The following SEC23IP variants were observed in gnomAD, a reference collection of about 807,000 sequenced individuals.
The protein encoded by SEC23IP is SEC23-interacting protein.
In SEC23IP, 70 loss-of-function variants were observed where a neutral mutation model predicts 113.4. The observed-to-expected ratio is 0.62, with a 90% CI of 0.51 to 0.75. The LOEUF is 0.75. SEC23IP is among the 30% of genes least tolerant of loss of function. The pLI is 0.00. For missense variants in SEC23IP, 1,160 were observed against 1,204.9 expected (o/e 0.96, Z 0.55); for synonymous variants, 398 against 421.0 (o/e 0.95, Z 0.67).
chr10:119,899,061 T>G (rs1405101542), intron 2 of SEC23IP, 102 bp downstream of exon 2: 1 of 1,047,342 alleles, frequency 9.5e-7, no homozygotes, highest in African/African-American at 1.6e-5. Flanking sequence ...ATCAATATGG[T>G]GACAAATTAG....
chr10:119,910,392 G>A (rs1466184170), intron 5 of SEC23IP, among the ~76,000 whole-genome samples: 2 of 152,024 alleles, frequency 1.3e-5, no homozygotes, highest in East Asian at 3.8e-4. Context: ...TGATCTCCCA[G>A]GGTCATATTT....
At chr10:119,930,537 A>G in intron 15 of SEC23IP, 106 bp downstream of exon 15, 1 of 609,986 alleles carries the variant, frequency 1.6e-6, no homozygotes. Context: ...AATATTATTT[A>G]AGTGCCTACT....
Position 119,898,564 on chromosome 10 carries a change from T to C in SEC23IP, c.301T>C (p.Leu101=). 5.6e-6 allele frequency: 9 copies of C among 1,614,218 alleles called. No homozygotes were observed. The highest frequency in any genetic ancestry group is 7.6e-6 in the Non-Finnish European group (9 of 1,180,044). The change falls in exon 2 of 19, where the codon TTA becomes CTA. Residue 101 remains leucine, a synonymous_variant. Coordinates refer to ENST00000369075, the MANE Select transcript of SEC23IP (RefSeq NM_007190.4). Reference sequence around the variant, plus strand: ...TTTTGGGAATATTGGACAGTCACCATTAACAACTGCAGCAACCTCAGTTGG... The same window carrying C: ...TTTTGGGAATATTGGACAGTCACCACTAACAACTGCAGCAACCTCAGTTGG... The part of the protein sequence containing the change: ...DPFGNIGQSP[L]TTAATSVGQS...
At chr10:119,925,900 A>T in intron 12 of SEC23IP, 136 bp from the exon 13 acceptor site, 1 of 748,194 alleles carries the variant, frequency 1.3e-6, no homozygotes, top group Non-Finnish European at 2.1e-6. Context: ...GGCATTTTTT[A>T]AAGTAATCAC....
At position 119,898,825 on chromosome 10, in the gene SEC23IP, G is replaced by A. The variant is rs1854378529; in HGVS notation, c.562G>A (p.Gly188Ser). The A allele has an allele frequency of 6.2e-7, 1 of 1,613,660 alleles. No homozygotes were observed. Among genetic ancestry groups the A allele is most frequent in the Admixed American group, 1.7e-5 (1 of 59,976 alleles). The change falls in exon 2 of 19, where the codon GGC becomes AGC. Residue 188 changes from glycine (G) to serine (S), a missense_variant. Coordinates refer to ENST00000369075, the MANE Select transcript of SEC23IP (RefSeq NM_007190.4). ...PGYNPYRHTP[G>S]SSRANPYIAP... ...ATACAATCCATATCGCCATACCCCT[G>A]GCAGCAGCAGGGCTAATCCTTACAT...
Position 119,898,474 on chromosome 10 carries a change from T to C in SEC23IP, c.211T>C (p.Ser71Pro). 6.2e-7 allele frequency: 1 copy of C among 1,614,024 alleles called. No homozygotes were observed. Among genetic ancestry groups the C allele is most frequent in the Non-Finnish European group, 8.5e-7 (1 of 1,179,998 alleles). Residue 71 changes from serine (S) to proline (P), a missense_variant, in exon 2 of 19, where the codon TCT becomes CCT. Ser to Pro is a moderately conservative substitution (Grantham distance 74). Transcript: ENST00000369075. ...GGAGGACAGCTTCCTTGGTCAGACT[T>C]CTATTCACACATCTGCCCCACAGAC... ...GEEDSFLGQT[S>P]IHTSAPQTFS...
In SEC23IP at chr10:119,932,080, C is replaced by T. The variant is rs544622135; in HGVS notation, c.2573-53C>T. The stretch of plus-strand genomic sequence containing the variant: ...GTGTTAACTTACAATTTTTGTGAGG[C>T]AGAAGTTTACCCAGTGACTAATTAA... On this transcript the variant is annotated intron_variant, in intron 15 of 18. Transcript: ENST00000369075. The T allele has an allele frequency of 9.2e-6, 11 of 1,191,502 alleles. No homozygotes were observed. The African/African-American group carries it at 1.7e-4, about 18-fold the overall frequency. 73.8% of individuals were successfully genotyped at this position (1,191,502 alleles called of 1,614,324 possible).
At chr10:119,926,878 C>A in intron 13 of SEC23IP, among the ~76,000 whole-genome samples, 1 of 152,202 alleles carries the variant, frequency 6.6e-6, no homozygotes, top group East Asian at 1.9e-4. Flanking sequence ...TTTACAACTT[C>A]ATTTTCTTTT....
rs1053818546 is a variant in SEC23IP, at chr10:119,943,402, C to T, written c.*2837C>T. ...GTCTTCATGACATTTCTATAATACT[C>T]CTCAGGGGGTTAACCCCATCTCTAC... On this transcript the variant is annotated 3_prime_UTR_variant, in exon 19 of 19. Transcript: ENST00000369075. The T allele has an allele frequency of 2.0e-5, 3 of 152,130 alleles. No homozygotes were observed. The highest frequency in any genetic ancestry group is 7.2e-5 in the African/African-American group (3 of 41,434). 9.4% of individuals were successfully genotyped at this position (152,130 alleles called of 1,614,324 possible).
chr10:119,897,682 T>C (rs1169412831), intron 1 of SEC23IP, among the ~76,000 whole-genome samples: 1 of 152,118 alleles, frequency 6.6e-6, no homozygotes, highest in African/African-American at 2.4e-5. Flanking sequence ...GAATTATTTC[T>C]TACCAAGAAA....
intron 12 of SEC23IP, among the ~76,000 whole-genome samples, chr10:119,922,000 G>A (rs1016728656): frequency 6.6e-6 from 1 of 151,996 alleles, no homozygotes; most frequent in Non-Finnish European, 1.5e-5. Flanking sequence ...TTGAATAGCA[G>A]CTACCTCTTT....
chr10:119,921,470 T>G (rs1855248298), intron 12 of SEC23IP, among the ~76,000 whole-genome samples: 1 of 152,250 alleles, frequency 6.6e-6, no homozygotes, highest in Non-Finnish European at 1.5e-5. Flanking sequence ...TCTGATCCTT[T>G]GTTTTCTTCA....
intron 11 of SEC23IP, 89 bp downstream of exon 11, chr10:119,919,685 C>A: frequency 1.9e-6 from 2 of 1,052,686 alleles, no homozygotes; most frequent in Non-Finnish European, 1.4e-6. Context: ...TATCAAAATA[C>A]ACTCCAGAGT....
At position 119,944,336 on chromosome 10, in the gene SEC23IP, G is replaced by A. The variant is rs1010670812; in HGVS notation, c.*3771G>A. 1 of 152,204 alleles carries A rather than the reference G, an allele frequency of 6.6e-6. No homozygotes were observed. The highest frequency in any genetic ancestry group is 1.9e-4 in the East Asian group (1 of 5,194). 9.4% of individuals were successfully genotyped at this position (152,204 alleles called of 1,614,324 possible). A position where few individuals can be genotyped will look rare whatever the true frequency, so the allele number is the denominator to read the frequency against. On this transcript the variant is annotated 3_prime_UTR_variant, in exon 19 of 19. Transcript: ENST00000369075. The stretch of plus-strand genomic sequence containing the variant: ...TCCCCGAGGTTCGTCATGATTGTAA[G>A]TTTCCTGAGGTCTCCCCAACCATGC...
intron 11 of SEC23IP, 64 bp from the exon 12 acceptor site, chr10:119,920,825 A>G (rs537753145): frequency 1.5e-5 from 17 of 1,120,144 alleles, no homozygotes; most frequent in African/African-American, 4.7e-5. Context: ...TATAATTTTC[A>G]TATTCTCATT....
chr10:119,917,942 A>G lies in SEC23IP; in HGVS notation c.1651A>G (p.Ile551Val), dbSNP rs764437558. Residue 551 changes from isoleucine to valine, a missense_variant, in exon 9 of 19, where the codon ATT (isoleucine) becomes GTT (valine). Transcript: ENST00000369075. The stretch of plus-strand genomic sequence containing the variant: ...TAACAGCCCCACCTACTGTCAGACA[A>G]TTGTGGAAAAAGTAGGAATGGAGAT... ...FYNSPTYCQT[I>V]VEKVGMEINH... 3 of 1,613,984 alleles carry G rather than the reference A, an allele frequency of 1.9e-6. No homozygotes were observed. The highest frequency in any genetic ancestry group is 1.3e-5 in the African/African-American group (1 of 74,922).
At chr10:119,905,736 C>T (rs1854641184) in intron 4 of SEC23IP, among the ~76,000 whole-genome samples, 2 of 152,072 alleles carry the variant, frequency 1.3e-5, no homozygotes, top group African/African-American at 4.8e-5. Flanking sequence ...ATCAGGAGAA[C>T]CTCTAGAAAT....
At position 119,894,892 on chromosome 10, in the gene SEC23IP, C is replaced by CTGTGTGTG. The variant is rs3065498; in HGVS notation, c.163+1984_163+1991dup. On this transcript the variant is annotated intron_variant, in intron 1 of 18. Coordinates refer to ENST00000369075, the MANE Select transcript of SEC23IP (RefSeq NM_007190.4). Reference sequence around the variant, plus strand: ...AATGCTTTTGTTTCTTGGAGACAGTCTGTGTGTGTGTGTGTGTGTGTGTGT... The same window carrying CTGTGTGTG: ...AATGCTTTTGTTTCTTGGAGACAGTCTGTGTGTGTGTGTGTGTGTGTGTGTGTGTGTGT... Among the ~76,000 whole-genome samples the CTGTGTGTG allele has an allele frequency of 2.3e-3, 325 of 143,592 alleles. 4 individuals are homozygous for CTGTGTGTG. Among genetic ancestry groups the CTGTGTGTG allele is most frequent in the Admixed American group, 6.9e-3 (99 of 14,332 alleles). 94.2% of individuals were successfully genotyped at this position (143,592 alleles called of 152,430 possible). A position where few individuals can be genotyped will look rare whatever the true frequency, so the allele number is the denominator to read the frequency against.
In SEC23IP at chr10:119,942,165, G is replaced by A. The variant is rs1388391255; in HGVS notation, c.*1600G>A. The stretch of plus-strand genomic sequence containing the variant: ...CAACTTACATCTGATTTTTGTTTGT[G>A]TCATTCAGCCTGTCTTCTGAGTAAT... On this transcript the variant is annotated 3_prime_UTR_variant, in exon 19 of 19. Transcript: ENST00000369075. 6 of 152,084 alleles carry A rather than the reference G, an allele frequency of 3.9e-5. No individual in the cohort carries two copies. The highest frequency in any genetic ancestry group is 1.4e-4 in the African/African-American group (6 of 41,422). The allele number at this position is 152,084 out of a possible 1,614,324, so 9.4% of individuals were successfully genotyped here. A position where few individuals can be genotyped will look rare whatever the true frequency, so the allele number is the denominator to read the frequency against.
Sources: allele counts gnomAD v4.1 joint callset (sites outside exome capture counted in the v4.1 genomes callset), GRCh38; gene constraint gnomAD v4.1.1; transcripts MANE v1.5; gene names NCBI Gene and HGNC (gene_info 2026-07-23, HGNC 2026-07-21).